The following IMMT variants were observed in gnomAD, a reference collection of about 807,000 sequenced individuals.
IMMT encodes inner membrane mitochondrial protein.
Under a neutral mutation model 92.7 loss-of-function variants are expected in IMMT, and 40 were observed. The observed-to-expected ratio is 0.43, with a 90% CI of 0.34 to 0.56. The LOEUF (loss-of-function observed/expected upper bound fraction) is 0.56. Ranked by LOEUF, IMMT falls within the 20% of genes least tolerant of loss-of-function variation. The pLI, the probability that IMMT is intolerant of heterozygous loss-of-function variation, is 0.03. For missense variants in IMMT, 831 were observed against 912.1 expected, an observed-to-expected ratio of 0.91 and a Z score of 1.14; for synonymous variants, 322 against 336.1, an observed-to-expected ratio of 0.96 and a Z score of 0.46.
At chr2:86,171,168 G>A (rs2288113) in intron 5 of IMMT, 40 bp downstream of exon 5, 724,138 of 1,511,796 alleles carry the variant, frequency 0.48, 177,629 homozygotes, top group Non-Finnish European at 0.5. Context: ...TCTGATGAGT[G>A]TATCATGTAT....
chr2:86,186,436 G>T (rs973179315), intron 1 of IMMT, among the ~76,000 whole-genome samples: 1 of 152,168 alleles, frequency 6.6e-6, no homozygotes, highest in Admixed American at 6.5e-5. Context: ...ACAAGGGCAG[G>T]CCTTTGTTAC....
intron 7 of IMMT, 81 bp from the exon 8 acceptor site, chr2:86,162,160 ATG>A (rs1406938441): frequency 1.2e-6 from 1 of 801,936 alleles, no homozygotes; most frequent in African/African-American, 1.8e-5. Flanking sequence ...ACACAGAAAC[ATG>A]TGACATTAAA....
chr2:86,179,061 C>CAAAACA (rs578162007), intron 3 of IMMT, among the ~76,000 whole-genome samples: 4,940 of 152,190 alleles, frequency 0.032, 97 homozygotes, highest in Non-Finnish European at 0.045. Context: ...AACTCTGTCT[C>CAAAACA]AAAACAAAAA....
intron 10 of IMMT, among the ~76,000 whole-genome samples, chr2:86,155,871 AGTAATACCGGTT>A (rs1308040934): frequency 3.9e-5 from 6 of 152,252 alleles, no homozygotes; most frequent in African/African-American, 1.4e-4. Context: ...ATAAGAAATC[AGTAATACCGGTT>A]GTCCCTGAGG....
chr2:86,154,671 T>C (rs563681654), intron 10 of IMMT, among the ~76,000 whole-genome samples: 72 of 152,282 alleles, frequency 4.7e-4, no homozygotes, highest in African/African-American at 1.7e-3. Context: ...TCATTTAACC[T>C]GTGCAAATTA....
At chr2:86,154,729 CTG>C (rs1397773123) in intron 10 of IMMT, among the ~76,000 whole-genome samples, 2 of 152,304 alleles carry the variant, frequency 1.3e-5, no homozygotes, top group Non-Finnish European at 2.9e-5. Flanking sequence ...AAATGGCATT[CTG>C]TATAGTTTGA....
At chr2:86,181,252 A>G in intron 2 of IMMT, 47 bp downstream of exon 2, 1 of 1,398,976 alleles carries the variant, frequency 7.1e-7, no homozygotes, top group Non-Finnish European at 1.0e-6. Context: ...ACACTCCCTA[A>G]GCAGCACACA....
At chr2:86,171,860 A>T (rs201083427) in intron 4 of IMMT, among the ~76,000 whole-genome samples, 4,166 of 112,500 alleles carry the variant, frequency 0.037, 196 homozygotes, top group African/African-American at 0.11. Context: ...ATATATATAT[A>T]TATTTTTTGC....
intron 13 of IMMT, among the ~76,000 whole-genome samples, 176 bp from the exon 14 acceptor site, chr2:86,146,373 A>AT (rs1180343677): frequency 1.2e-4 from 13 of 106,270 alleles, no homozygotes; most frequent in African/African-American, 2.1e-4. Context: ...TGTATATAAT[A>AT]TATTTTTTTT....
At position 86,151,375 on chromosome 2, in the gene IMMT, T is replaced by C; in HGVS notation, c.1323A>G (p.Glu441=). Residue 441 remains glutamate, a synonymous_variant, in exon 12 of 15, where the codon GAA becomes GAG. Transcript: ENST00000410111. ...CTACTGCAGAGTCAAATGCCCGCTTTTCTTCCAGCTTTTGTTTCTCCAAGG... is the reference window on the plus strand; with the variant it reads ...CTACTGCAGAGTCAAATGCCCGCTTCTCTTCCAGCTTTTGTTTCTCCAAGG... ...TLALEKQKLE[E]KRAFDSAVAK... 6.2e-7 allele frequency: 1 copy of C among 1,614,064 alleles called. No homozygotes were observed. Among genetic ancestry groups the C allele is most frequent in the Non-Finnish European group, 8.5e-7 (1 of 1,179,904 alleles).
chr2:86,174,798 T>C (rs1003861441), intron 3 of IMMT, among the ~76,000 whole-genome samples: 1 of 152,236 alleles, frequency 6.6e-6, no homozygotes, highest in African/African-American at 2.4e-5. Context: ...TTCTGTTTAG[T>C]TGCATAATAT....
At chr2:86,148,999 C>T (rs1465319176) in intron 12 of IMMT, among the ~76,000 whole-genome samples, 1 of 152,026 alleles carries the variant, frequency 6.6e-6, no homozygotes, top group Non-Finnish European at 1.5e-5. Flanking sequence ...AGGCAGCAGA[C>T]AGTAAACAAA....
intron 3 of IMMT, among the ~76,000 whole-genome samples, chr2:86,176,868 C>A (rs1285789085): frequency 6.6e-6 from 1 of 152,146 alleles, no homozygotes; most frequent in Non-Finnish European, 1.5e-5. Flanking sequence ...GCTATTTTTT[C>A]CTGGGTCATG....
chr2:86,171,452 A>T, intron 4 of IMMT, 107 bp from the exon 5 acceptor site: 1 of 985,274 alleles, frequency 1.0e-6, no homozygotes, highest in Non-Finnish European at 1.6e-6. Context: ...GACTCCTTAG[A>T]GACACAAATA....
rs1675466635 is a variant in IMMT at position 86,151,486 on chromosome 2, G to A, written c.1212C>T (p.Leu404=). Residue 404 remains leucine, a synonymous_variant, in exon 12 of 15, where the codon CTC becomes CTT. Transcript: ENST00000410111. Reference sequence around the variant, plus strand: ...CAATACGACGATGTGCATGAGCAATGAGGGAGTTCAGATCATCAGTAGAGA... The same window carrying A: ...CAATACGACGATGTGCATGAGCAATAAGGGAGTTCAGATCATCAGTAGAGA... ...DKLSTDDLNS[L]IAHAHRRIDQ... 10 of 1,613,992 alleles carry A rather than the reference G, an allele frequency of 6.2e-6. No homozygotes were observed. In the African/African-American group the frequency reaches 8.0e-5, roughly 13 times the overall value.
intron 7 of IMMT, among the ~76,000 whole-genome samples, chr2:86,165,231 G>A (rs147519220): frequency 2.0e-5 from 3 of 152,268 alleles, no homozygotes; most frequent in South Asian, 2.1e-4. Flanking sequence ...CTTCCAATCC[G>A]TGTCCTTCTG....
chr2:86,149,214 G>A (rs1457469744), intron 12 of IMMT, among the ~76,000 whole-genome samples: 1 of 152,144 alleles, frequency 6.6e-6, no homozygotes, highest in Non-Finnish European at 1.5e-5. Context: ...GTGACATCTA[G>A]GCTTAAAACT....
chr2:86,164,052 A>ATTTTTTTTTTTTTTTTTTTTTT (rs540613367), intron 7 of IMMT, among the ~76,000 whole-genome samples: 1 of 63,030 alleles, frequency 1.6e-5, no homozygotes, highest in Non-Finnish European at 3.0e-5. Flanking sequence ...CACTTTAGTC[A>ATTTTTTTTTTTTTTTTTTTTTT]TTTTTTTTTT....
chr2:86,180,048 G>A (rs1461897941), intron 2 of IMMT, among the ~76,000 whole-genome samples: 4 of 152,006 alleles, frequency 2.6e-5, no homozygotes, highest in African/African-American at 7.3e-5. Context: ...TTGCACTCCA[G>A]CCTGGAGCAA....
Sources: allele counts gnomAD v4.1 joint callset (sites outside exome capture counted in the v4.1 genomes callset), GRCh38; gene constraint gnomAD v4.1.1; transcripts MANE v1.5; gene names NCBI Gene and HGNC (gene_info 2026-07-23, HGNC 2026-07-21).